Variants in IQCJ observed in about 807,000 individuals in gnomAD.
IQCJ encodes IQ motif containing J.
IQCJ carries 9 observed loss-of-function variants against 11.0 expected under a neutral mutation model. The ratio of observed to expected loss-of-function variants is 0.82; its 90% CI spans 0.49 to 1.43. The LOEUF is 1.43. Among genes scored for constraint, IQCJ ranks in the 40% most tolerant of loss-of-function variants. The probability of loss-of-function intolerance (pLI) is 0.00; values close to 1 mark genes in which losing one functional copy is unlikely to be tolerated. For synonymous variants in IQCJ, 55 were observed against 51.3 expected, an observed-to-expected ratio of 1.07 and a Z score of -0.31; for missense variants, 146 against 133.2, an observed-to-expected ratio of 1.10 and a Z score of -0.47.
intron 1 of IQCJ, among the ~76,000 whole-genome samples, chr3:159,211,478 T>G (rs181055508): frequency 6.6e-6 from 1 of 152,206 alleles, no homozygotes. Context: ...AAGGTGTCCC[T>G]CACATTGGTC....
chr3:159,178,416 T>C (rs544013266), intron 1 of IQCJ, among the ~76,000 whole-genome samples: 3 of 152,318 alleles, frequency 2.0e-5, no homozygotes, highest in South Asian at 4.1e-4. Context: ...ACTGAAGGCA[T>C]TGCAGTCCTT....
At chr3:159,264,457 G>A (rs180676713), downstream of IQCJ, among the ~76,000 whole-genome samples, 180 of 152,234 alleles carry the variant, frequency 1.2e-3, no homozygotes, top group African/African-American at 3.9e-3. Flanking sequence ...GTTTTTAGTA[G>A]AAGATATTTC....
intron 1 of IQCJ, among the ~76,000 whole-genome samples, chr3:159,108,879 A>G (rs151102392): frequency 2.0e-5 from 3 of 152,368 alleles, no homozygotes; most frequent in Non-Finnish European, 4.4e-5. Context: ...CTACTGTAAT[A>G]TAAAATGGCA....
intron 1 of IQCJ, among the ~76,000 whole-genome samples, chr3:159,180,137 G>C (rs1480890118): frequency 6.6e-6 from 1 of 152,200 alleles, no homozygotes; most frequent in East Asian, 1.9e-4. Flanking sequence ...TAATAGACAG[G>C]CATGTTTATC....
At chr3:159,143,266 A>G (rs1386393761) in intron 1 of IQCJ, among the ~76,000 whole-genome samples, 1 of 152,230 alleles carries the variant, frequency 6.6e-6, no homozygotes, top group Non-Finnish European at 1.5e-5. Flanking sequence ...CAGGGCCTAA[A>G]TCACATCTTT....
chr3:159,162,986 C>T (rs1380147407), intron 1 of IQCJ, among the ~76,000 whole-genome samples: 3 of 152,126 alleles, frequency 2.0e-5, no homozygotes, highest in African/African-American at 7.2e-5. Context: ...CCGAATTCTA[C>T]CAGAGGTACA....
chr3:159,072,301 G>C (rs547628218), intron 1 of IQCJ, among the ~76,000 whole-genome samples: 1 of 152,100 alleles, frequency 6.6e-6, no homozygotes, highest in Admixed American at 6.5e-5. Flanking sequence ...ACTCTCTGGA[G>C]AAGATGAGTT....
intron 1 of IQCJ, among the ~76,000 whole-genome samples, chr3:159,218,028 T>G (rs984785440): frequency 2.4e-5 from 2 of 82,852 alleles, no homozygotes; most frequent in Non-Finnish European, 4.8e-5. Flanking sequence ...TATAATAATA[T>G]TATATACAAT....
In IQCJ at chr3:159,262,922, G is replaced by T; in HGVS notation, c.*191G>T. ...TGGAGAAAATAGATTGCATTTATGT[G>T]TTCTCATTTCTCTATTATGGAGGTA... On this transcript the variant is annotated 3_prime_UTR_variant, in exon 4 of 4. Coordinates refer to ENST00000397832, the MANE Select transcript of IQCJ (RefSeq NM_001042706.3). 1 of 1,351,956 alleles carries T rather than the reference G, an allele frequency of 7.4e-7. No homozygotes were observed. The highest frequency in any genetic ancestry group is 2.2e-5 in the South Asian group (1 of 46,432). The allele number at this position is 1,351,956 out of a possible 1,614,324, so 83.7% of individuals were successfully genotyped here. A position where few individuals can be genotyped will look rare whatever the true frequency, so the allele number is the denominator to read the frequency against.
chr3:159,220,965 A>C (rs544243269), intron 1 of IQCJ, among the ~76,000 whole-genome samples: 12 of 152,172 alleles, frequency 7.9e-5, no homozygotes, highest in Admixed American at 2.0e-4. Context: ...ATTTGAGCTC[A>C]GAGCAGAAAC....
chr3:159,088,746 G>A (rs1428180097), intron 1 of IQCJ, among the ~76,000 whole-genome samples: 1 of 149,140 alleles, frequency 6.7e-6, no homozygotes, highest in African/African-American at 2.5e-5. Flanking sequence ...TGCAACCCCT[G>A]CCTTTTTTTG....
intron 1 of IQCJ, among the ~76,000 whole-genome samples, chr3:159,087,491 T>G (rs1234607758): frequency 6.6e-6 from 1 of 151,952 alleles, no homozygotes. Flanking sequence ...TCAGAAGGAA[T>G]GGTACCAAGT....
At chr3:159,249,128 T>A (rs763360219) in intron 2 of IQCJ, among the ~76,000 whole-genome samples, 12 of 152,172 alleles carry the variant, frequency 7.9e-5, no homozygotes, top group Non-Finnish European at 1.3e-4. Flanking sequence ...AGTGCTGGGA[T>A]TACAGACGTG....
At chr3:159,221,941 T>G (rs1028054528) in intron 1 of IQCJ, among the ~76,000 whole-genome samples, 5 of 151,666 alleles carry the variant, frequency 3.3e-5, no homozygotes, top group African/African-American at 1.2e-4. Context: ...GAAAAAAATC[T>G]TAAACTAAAA....
chr3:159,135,329 C>G (rs1274333781), intron 1 of IQCJ, among the ~76,000 whole-genome samples: 2 of 152,304 alleles, frequency 1.3e-5, no homozygotes, highest in Non-Finnish European at 2.9e-5. Context: ...ACCCAGCCAT[C>G]CCCTCTAGGC....
At chr3:159,171,146 A>T (rs1308057254) in intron 1 of IQCJ, among the ~76,000 whole-genome samples, 1 of 143,278 alleles carries the variant, frequency 7.0e-6, no homozygotes, top group Non-Finnish European at 1.5e-5. Context: ...ACTAGTTATT[A>T]AAAAAAAAAA....
At chr3:159,249,764 G>C (rs61795191) in intron 2 of IQCJ, among the ~76,000 whole-genome samples, 2 of 152,204 alleles carry the variant, frequency 1.3e-5, no homozygotes, top group Non-Finnish European at 2.9e-5. Flanking sequence ...ACAGTTGATT[G>C]GTTATTCCCC....
At position 159,262,675 on chromosome 3, in the gene IQCJ, AGCACACCCGT is replaced by A. The variant is rs1728288055; in HGVS notation, c.285_294del (p.Ser95ArgfsTer12). 6.2e-7 allele frequency: 1 copy of A among 1,613,978 alleles called. No homozygotes were observed. The highest frequency in any genetic ancestry group is 2.2e-5 in the East Asian group (1 of 44,870). ...CAGCATGAACACCTTCTCCGACAGCAGCACACCCGTGAGTGTCATGTTTCTTTTTCTATGT... is the reference window on the plus strand; with the variant it reads ...CAGCATGAACACCTTCTCCGACAGCAGAGTGTCATGTTTCTTTTTCTATGT... On this transcript the variant is annotated frameshift_variant, in exon 4 of 4. Transcript: ENST00000397832. LOFTEE classifies it low-confidence loss of function (END_TRUNC).
chr3:159,209,948 C>A (rs1289915001), intron 1 of IQCJ, among the ~76,000 whole-genome samples: 1 of 152,158 alleles, frequency 6.6e-6, no homozygotes, highest in African/African-American at 2.4e-5. Flanking sequence ...TAGCACAGGG[C>A]CTAAATACAT....
Sources: allele counts gnomAD v4.1 joint callset (sites outside exome capture counted in the v4.1 genomes callset), GRCh38; gene constraint gnomAD v4.1.1; transcripts MANE v1.5; gene names NCBI Gene and HGNC (gene_info 2026-07-23, HGNC 2026-07-21).